Variants in TENM2 observed in about 807,000 individuals in gnomAD.
TENM2 encodes teneurin-2.
In TENM2, 52 loss-of-function variants were observed where a neutral mutation model predicts 245.2. The ratio of observed to expected loss-of-function variants is 0.21; its 90% CI spans 0.17 to 0.27. TENM2 has a LOEUF of 0.27. Ranked by LOEUF, TENM2 falls within the 10% of genes least tolerant of loss-of-function variation. The probability of loss-of-function intolerance (pLI) is 1.00; values close to 1 mark genes in which losing one functional copy is unlikely to be tolerated. For synonymous variants in TENM2, 1,363 were observed against 1,438.9 expected, an observed-to-expected ratio of 0.95 and a Z score of 1.19; for missense variants, 3,046 against 3,666.8, an observed-to-expected ratio of 0.83 and a Z score of 4.37.
At chr5:167,897,449 G>GA (rs1775310474) in intron 3 of TENM2, among the ~76,000 whole-genome samples, 1 of 152,088 alleles carries the variant, frequency 6.6e-6, no homozygotes, top group South Asian at 2.1e-4. Context: ...GAAAAAGTAG[G>GA]AAAAAATCAG....
upstream of TENM2, among the ~76,000 whole-genome samples, chr5:167,281,884 CAGCTACTTGGG>C (rs905696123): frequency 6.6e-6 from 1 of 151,524 alleles, no homozygotes; most frequent in African/African-American, 2.4e-5. Flanking sequence ...CCTGTAATCC[CAGCTACTTGGG>C]AGGCAGAGGC....
the TENM2 span, among the ~76,000 whole-genome samples, chr5:167,164,771 G>A: frequency 3.3e-5 from 5 of 152,088 alleles, no homozygotes; most frequent in Non-Finnish European, 5.9e-5. Flanking sequence ...TAGATATCTC[G>A]AATCTCGAAT....
chr5:167,935,386 ATG>A (rs1020260529), intron 3 of TENM2, among the ~76,000 whole-genome samples: 20 of 152,248 alleles, frequency 1.3e-4, no homozygotes, highest in Non-Finnish European at 2.5e-4. Flanking sequence ...GACAGGACTG[ATG>A]TGGGTCACAG....
intron 2 of TENM2, among the ~76,000 whole-genome samples, chr5:167,701,330 A>G: frequency 6.6e-6 from 1 of 151,906 alleles, no homozygotes; most frequent in Non-Finnish European, 1.5e-5. Flanking sequence ...TTATGAATCT[A>G]TGAACTGGTT....
exon 7 of TENM2, chr5:168,062,212 G>A (rs938410266): frequency 6.2e-7 from 1 of 1,613,714 alleles, no homozygotes; most frequent in Non-Finnish European, 8.5e-7. Flanking sequence ...CCTCGGGAAG[G>A]ACGCTCTCTT....
chr5:167,952,728 C>G (rs1166050270), exon 4 of TENM2: 2 of 1,600,446 alleles, frequency 1.2e-6, no homozygotes, highest in Non-Finnish European at 1.7e-6. Flanking sequence ...GATCCACGCC[C>G]CGGCCCCAGC....
chr5:166,989,567 T>C, the TENM2 span, among the ~76,000 whole-genome samples: 2 of 151,164 alleles, frequency 1.3e-5, no homozygotes, highest in Admixed American at 1.3e-4. Context: ...AACTTTTGTA[T>C]TTTTTGTAGA....
chr5:168,057,656 A>AGTTT (rs201429482), intron 6 of TENM2, among the ~76,000 whole-genome samples: 3 of 152,058 alleles, frequency 2.0e-5, no homozygotes, highest in African/African-American at 4.8e-5. Flanking sequence ...CACCTCTCCC[A>AGTTT]GTTTGTTTGT....
the TENM2 span, among the ~76,000 whole-genome samples, chr5:167,266,393 T>C: frequency 6.6e-6 from 1 of 152,188 alleles, no homozygotes; most frequent in Non-Finnish European, 1.5e-5. Flanking sequence ...AATTTAACTT[T>C]CCAAAATTTG....
intron 2 of TENM2, among the ~76,000 whole-genome samples, chr5:167,819,225 A>T (rs1327420960): frequency 6.6e-6 from 1 of 152,012 alleles, no homozygotes; most frequent in Non-Finnish European, 1.5e-5. Flanking sequence ...GCTCTTTTCT[A>T]CTGACCTGCA....
upstream of TENM2, among the ~76,000 whole-genome samples, chr5:167,279,988 A>T (rs1770955125): frequency 6.6e-6 from 1 of 152,152 alleles, no homozygotes; most frequent in African/African-American, 2.4e-5. Flanking sequence ...CATTTGGGAT[A>T]TCATGTTATG....
At position 167,607,541 on chromosome 5, in the gene TENM2, C is replaced by T. The variant is rs534183599; in HGVS notation, c.502+232068C>T. ...CACTGTCAGTTGATGACCATTACTTCGGGCCTTATACTCTACCTCACCCAT... is the reference window on the plus strand; with the variant it reads ...CACTGTCAGTTGATGACCATTACTTTGGGCCTTATACTCTACCTCACCCAT... On this transcript the variant is annotated intron_variant, in intron 2 of 28. Transcript: ENST00000518659. Among the ~76,000 whole-genome samples, 27 of 152,274 alleles carry T rather than the reference C, an allele frequency of 1.8e-4. 1 individual carries two copies. In the South Asian group the frequency reaches 2.3e-3, roughly 13 times the overall value.
At chr5:167,516,793 A>G (rs1375894587) in intron 2 of TENM2, among the ~76,000 whole-genome samples, 1 of 152,192 alleles carries the variant, frequency 6.6e-6, no homozygotes, top group Non-Finnish European at 1.5e-5. Context: ...GGCTTCATTA[A>G]AATTCTGTCC....
At chr5:167,656,150 A>G (rs953825941) in intron 2 of TENM2, among the ~76,000 whole-genome samples, 6 of 152,172 alleles carry the variant, frequency 3.9e-5, no homozygotes, top group African/African-American at 1.4e-4. Flanking sequence ...CCATCTTTTA[A>G]CACTCTAACA....
At chr5:166,999,080 T>G in the TENM2 span, among the ~76,000 whole-genome samples, 493 of 151,684 alleles carry the variant, frequency 3.3e-3, 3 homozygotes, top group Middle Eastern at 0.01. Flanking sequence ...CATAATAATT[T>G]TTATGTTTAA....
chr5:167,110,970 A>G, the TENM2 span, among the ~76,000 whole-genome samples: 11 of 152,154 alleles, frequency 7.2e-5, no homozygotes, highest in Admixed American at 1.3e-4. Context: ...TCTAGCATGG[A>G]TTATTTTGAG....
At chr5:167,463,095 G>A (rs1430763737) in intron 2 of TENM2, among the ~76,000 whole-genome samples, 1 of 152,096 alleles carries the variant, frequency 6.6e-6, no homozygotes, top group Non-Finnish European at 1.5e-5. Context: ...AGATAAAAAT[G>A]TAAATAGAGA....
chr5:167,568,984 A>G (rs1189034994), intron 2 of TENM2, among the ~76,000 whole-genome samples: 5 of 149,716 alleles, frequency 3.3e-5, no homozygotes, highest in South Asian at 4.3e-4. Flanking sequence ...TTCCTTTTCC[A>G]TGCATGGAAT....
intron 2 of TENM2, among the ~76,000 whole-genome samples, chr5:167,390,256 T>A (rs1761672635): frequency 6.6e-6 from 1 of 152,222 alleles, no homozygotes. Context: ...ATGCTAGCTC[T>A]GAGTAGAGTG....
Sources: allele counts gnomAD v4.1 joint callset (sites outside exome capture counted in the v4.1 genomes callset), GRCh38; gene constraint gnomAD v4.1.1; transcripts MANE v1.5; gene names NCBI Gene and HGNC (gene_info 2026-07-23, HGNC 2026-07-21).